The following MSRA variants were observed in gnomAD, a reference collection of about 807,000 sequenced individuals.
MSRA encodes methionine sulfoxide reductase A.
Under a neutral mutation model 31.3 loss-of-function variants are expected in MSRA, and 54 were observed. The ratio of observed to expected loss-of-function variants is 1.73; its 90% CI spans 1.39 to 2.17. MSRA has a LOEUF of 2.17. MSRA is among the 30% of genes most tolerant of loss of function. The pLI, the probability that MSRA is intolerant of heterozygous loss-of-function variation, is 0.00. For synonymous variants in MSRA, 169 were observed against 116.5 expected (o/e 1.45, Z -2.90); for missense variants, 507 against 300.9 (o/e 1.69, Z -5.07).
At chr8:10,251,124 G>C (rs192756703) in intron 3 of MSRA, among the ~76,000 whole-genome samples, 1 of 151,926 alleles carries the variant, frequency 6.6e-6, no homozygotes, top group Non-Finnish European at 1.5e-5. Context: ...TTCCAAATGC[G>C]TGTGATTTTT....
intron 1 of MSRA, among the ~76,000 whole-genome samples, chr8:10,127,638 A>G (rs143448771): frequency 1.1e-3 from 166 of 152,354 alleles, no homozygotes; most frequent in African/African-American, 3.7e-3. Flanking sequence ...CATCCAATCC[A>G]TCAATGGATA....
At chr8:10,383,399 T>C (rs1351129890) in intron 5 of MSRA, among the ~76,000 whole-genome samples, 1 of 152,190 alleles carries the variant, frequency 6.6e-6, no homozygotes, top group East Asian at 1.9e-4. Flanking sequence ...TTTCTGTGTG[T>C]GAAGGAGAGA....
At chr8:10,108,220 A>G (rs570173319) in intron 1 of MSRA, among the ~76,000 whole-genome samples, 10 of 152,206 alleles carry the variant, frequency 6.6e-5, no homozygotes, top group Admixed American at 3.3e-4. Context: ...TGTTGCAAAC[A>G]TTCACATCAG....
intron 1 of MSRA, among the ~76,000 whole-genome samples, chr8:10,109,595 G>A (rs1220512224): frequency 6.6e-6 from 1 of 152,108 alleles, no homozygotes; most frequent in Middle Eastern, 3.2e-3. Flanking sequence ...ACCCATCTTG[G>A]CCTCCCAAAG....
At chr8:10,423,212 C>G (rs1021145662) in intron 5 of MSRA, among the ~76,000 whole-genome samples, 46 of 152,322 alleles carry the variant, frequency 3.0e-4, no homozygotes, top group African/African-American at 1.0e-3. Context: ...CTCTCCAGCT[C>G]TCCTGACAGT....
intron 1 of MSRA, among the ~76,000 whole-genome samples, chr8:10,134,626 C>T (rs532603678): frequency 5.9e-5 from 9 of 152,282 alleles, no homozygotes; most frequent in South Asian, 2.1e-4. Flanking sequence ...ATTCTGTGGA[C>T]GGCAGACCAG....
At chr8:10,228,751 T>C (rs1044534746) in intron 2 of MSRA, among the ~76,000 whole-genome samples, 1 of 152,210 alleles carries the variant, frequency 6.6e-6, no homozygotes, top group Non-Finnish European at 1.5e-5. Context: ...ATCTCTGTTT[T>C]CTCATCCTTA....
intron 3 of MSRA, among the ~76,000 whole-genome samples, chr8:10,266,257 G>A: frequency 6.6e-6 from 1 of 152,152 alleles, no homozygotes; most frequent in South Asian, 2.1e-4. Context: ...TTAGCAGTTG[G>A]TATGGCCAGT....
intron 1 of MSRA, among the ~76,000 whole-genome samples, chr8:10,167,076 C>T (rs1805199463): frequency 6.6e-6 from 1 of 152,190 alleles, no homozygotes; most frequent in African/African-American, 2.4e-5. Context: ...ATGCCCTTTT[C>T]ATTCTCCCCT....
At chr8:10,168,463 C>T (rs1276727427) in intron 1 of MSRA, among the ~76,000 whole-genome samples, 1 of 152,146 alleles carries the variant, frequency 6.6e-6, no homozygotes, top group Non-Finnish European at 1.5e-5. Context: ...GCCTGGCACA[C>T]AAATAATTTT....
chr8:10,261,440 G>C (rs1314508871), intron 3 of MSRA, among the ~76,000 whole-genome samples: 3 of 151,410 alleles, frequency 2.0e-5, no homozygotes, highest in Non-Finnish European at 4.4e-5. Context: ...TCATGTCTGT[G>C]ATCCCAGCAT....
At chr8:10,394,759 T>C (rs1298574492) in intron 5 of MSRA, among the ~76,000 whole-genome samples, 1 of 152,242 alleles carries the variant, frequency 6.6e-6, no homozygotes, top group African/African-American at 2.4e-5. Context: ...AACACTTTGG[T>C]TAGCAAGACA....
At chr8:10,373,362 G>A (rs529498194) in intron 5 of MSRA, among the ~76,000 whole-genome samples, 8 of 152,360 alleles carry the variant, frequency 5.3e-5, no homozygotes, top group African/African-American at 1.7e-4. Flanking sequence ...CTGACCAGTG[G>A]TTTTTTTCTC....
chr8:10,297,364 GC>G (rs368636745), intron 3 of MSRA, among the ~76,000 whole-genome samples: 2 of 152,184 alleles, frequency 1.3e-5, no homozygotes, highest in African/African-American at 4.8e-5. Context: ...CAACGTTAAA[GC>G]CCCCGTAATG....
chr8:10,413,202 CGTGGG>C (rs556462878), intron 5 of MSRA, among the ~76,000 whole-genome samples: 1 of 152,248 alleles, frequency 6.6e-6, no homozygotes, highest in South Asian at 2.1e-4. Flanking sequence ...AGTGGAGAAC[CGTGGG>C]GTCCCTGAAG....
chr8:10,428,276 C>T lies in MSRA; in HGVS notation c.672C>T (p.Gly224=). 4 of 1,614,108 alleles carry T rather than the reference C, an allele frequency of 2.5e-6. No individual in the cohort carries two copies. The highest frequency in any genetic ancestry group is 3.4e-6 in the Non-Finnish European group (4 of 1,180,008). Residue 224 remains glycine, a synonymous_variant, in exon 6 of 6, where the codon GGC becomes GGT. Transcript: ENST00000317173. ...CCAATGGCTACTGCGGCCTTGGGGG[C>T]ACCGGCGTGTCCTGCCCAGTGGGTA... ...KNPNGYCGLG[G]TGVSCPVGIK...
chr8:10,323,778 G>A (rs192052550), intron 5 of MSRA, among the ~76,000 whole-genome samples: 1 of 149,378 alleles, frequency 6.7e-6, no homozygotes, highest in Non-Finnish European at 1.5e-5. Flanking sequence ...GTGTGTGTCT[G>A]TGTCTGTCTG....
At chr8:10,352,958 C>A (rs543474063) in intron 5 of MSRA, among the ~76,000 whole-genome samples, 1 of 152,224 alleles carries the variant, frequency 6.6e-6, no homozygotes, top group South Asian at 2.1e-4. Context: ...CATTGCCCAT[C>A]TGAACTGTCT....
intron 1 of MSRA, among the ~76,000 whole-genome samples, chr8:10,163,731 G>C (rs1804873029): frequency 6.6e-6 from 1 of 152,244 alleles, no homozygotes; most frequent in Admixed American, 6.5e-5. Flanking sequence ...AGGATAACAT[G>C]GCAGCCAGAG....
Sources: gnomAD v4.1 joint callset for allele counts (sites outside exome capture counted in the v4.1 genomes callset) on GRCh38, gnomAD v4.1.1 for gene constraint, MANE v1.5 for transcripts, NCBI Gene and HGNC (gene_info 2026-07-23, HGNC 2026-07-21) for gene names.